Variants in THEMIS observed in about 807,000 individuals in gnomAD.
THEMIS encodes the protein protein THEMIS.
In THEMIS, 37 loss-of-function variants were observed where a neutral mutation model predicts 52.6. That is an observed-to-expected ratio of 0.70 (90% CI 0.54 to 0.93). The LOEUF (loss-of-function observed/expected upper bound fraction) is 0.93, where lower values mean the gene tolerates loss of function less well. Ranked by LOEUF, THEMIS falls within the 40% of genes least tolerant of loss-of-function variation. The pLI is 0.00. For synonymous variants in THEMIS, 292 were observed against 272.7 expected (o/e 1.07, Z -0.70); for missense variants, 808 against 763.1 (o/e 1.06, Z -0.69).
chr6:127,834,629 G>T (rs1778814027), intron 2 of THEMIS, among the ~76,000 whole-genome samples: 1 of 151,960 alleles, frequency 6.6e-6, no homozygotes, highest in Non-Finnish European at 1.5e-5. Flanking sequence ...GAAACTGTCT[G>T]CAGTAGCTAT....
At chr6:127,778,177 A>G (rs74853103) in intron 4 of THEMIS, among the ~76,000 whole-genome samples, 2,619 of 152,254 alleles carry the variant, frequency 0.017, 81 homozygotes, top group African/African-American at 0.06. Flanking sequence ...TTTCAAAACC[A>G]ATGCTCAGAA....
At chr6:127,705,585 C>T (rs775252209), downstream of THEMIS, among the ~76,000 whole-genome samples, 13 of 152,314 alleles carry the variant, frequency 8.5e-5, no homozygotes, top group African/African-American at 2.4e-4. Context: ...TATGCTTTCT[C>T]ATAACTGAAA....
chr6:127,707,941 A>G (rs1161460231), downstream of THEMIS: 2 of 152,044 alleles, frequency 1.3e-5, no homozygotes, highest in Non-Finnish European at 2.9e-5. Context: ...GCCAATATTA[A>G]TAATTGGTAG....
intron 4 of THEMIS, among the ~76,000 whole-genome samples, chr6:127,795,329 T>C (rs1271746222): frequency 3.9e-5 from 6 of 152,162 alleles, no homozygotes; most frequent in African/African-American, 1.4e-4. Flanking sequence ...ATTTGTATTA[T>C]TATTATTATT....
At chr6:127,697,100 A>C in the THEMIS span, among the ~76,000 whole-genome samples, 2 of 152,130 alleles carry the variant, frequency 1.3e-5, no homozygotes, top group East Asian at 3.9e-4. Context: ...CAATTGCGTG[A>C]GGGCTAAAAG....
intron 2 of THEMIS, among the ~76,000 whole-genome samples, chr6:127,834,686 T>C (rs964040156): frequency 6.6e-6 from 1 of 152,274 alleles, no homozygotes; most frequent in South Asian, 2.1e-4. Context: ...AAAGAATATA[T>C]CATAAAATCT....
chr6:127,902,118 A>G (rs1162024519), upstream of THEMIS, among the ~76,000 whole-genome samples: 1 of 151,890 alleles, frequency 6.6e-6, no homozygotes, highest in Non-Finnish European at 1.5e-5. Context: ...TGAGCCCAAG[A>G]ATTCAAAACC....
intron 4 of THEMIS, among the ~76,000 whole-genome samples, chr6:127,743,829 CT>C (rs1285430973): frequency 1.3e-5 from 2 of 152,034 alleles, no homozygotes; most frequent in Non-Finnish European, 2.9e-5. Flanking sequence ...AAAAGCAAGT[CT>C]GTTTTTCTAG....
intron 5 of THEMIS, among the ~76,000 whole-genome samples, chr6:127,712,343 C>T (rs1002035430): frequency 6.6e-6 from 1 of 151,900 alleles, no homozygotes; most frequent in African/African-American, 2.4e-5. Flanking sequence ...CTCTAAATTA[C>T]ATCTATGCTC....
At chr6:127,867,722 A>G (rs1290637932) in intron 1 of THEMIS, among the ~76,000 whole-genome samples, 9 of 152,138 alleles carry the variant, frequency 5.9e-5, no homozygotes, top group Non-Finnish European at 1.3e-4. Context: ...ACAGTGCCTA[A>G]CCTAAAAGGT....
chr6:127,734,617 T>A (rs1455490905), intron 4 of THEMIS, among the ~76,000 whole-genome samples: 3 of 151,938 alleles, frequency 2.0e-5, no homozygotes, highest in African/African-American at 7.3e-5. Context: ...ACGCCTGTAA[T>A]CCTAGCACTT....
At chr6:127,883,228 A>G (rs974140283) in intron 1 of THEMIS, among the ~76,000 whole-genome samples, 1 of 152,036 alleles carries the variant, frequency 6.6e-6, no homozygotes, top group Admixed American at 6.5e-5. Context: ...AGCATTTCCT[A>G]TAAGATTTCT....
rs57655447 is a variant in THEMIS, at chr6:127,824,925, A to AAAACAAACAAAC, written c.709+4539_709+4550dup. Among the ~76,000 whole-genome samples, 854 of 151,330 alleles carry AAAACAAACAAAC rather than the reference A, an allele frequency of 5.6e-3. 4 individuals carry two copies. The highest frequency in any genetic ancestry group is 8.2e-3 in the Non-Finnish European group (558 of 67,734). Reference sequence around the variant, plus strand: ...GGGCGACAGAGGGAGACTCCGTCTCAAAACAAACAAACAAACAAACAAACA... The same window carrying AAAACAAACAAAC: ...GGGCGACAGAGGGAGACTCCGTCTCAAAACAAACAAACAAACAAACAAACAAACAAACAAACA... On this transcript the variant is annotated intron_variant, in intron 3 of 5. Coordinates refer to ENST00000368248, the MANE Select transcript of THEMIS (RefSeq NM_001010923.3).
chr6:127,818,225 G>A (rs1778202975), intron 3 of THEMIS, among the ~76,000 whole-genome samples: 2 of 152,146 alleles, frequency 1.3e-5, no homozygotes, highest in Admixed American at 6.5e-5. Flanking sequence ...CAAAAAAGCT[G>A]AGAAACACTT....
chr6:127,903,940 G>T (rs1040937994), upstream of THEMIS, among the ~76,000 whole-genome samples: 12 of 151,928 alleles, frequency 7.9e-5, no homozygotes, highest in African/African-American at 2.9e-4. Context: ...GAGCTGTCAG[G>T]GTGCAGAACA....
chr6:127,854,590 G>A (rs888286064), intron 2 of THEMIS, among the ~76,000 whole-genome samples: 4 of 151,756 alleles, frequency 2.6e-5, no homozygotes, highest in East Asian at 1.9e-4. Flanking sequence ...AGACCAGGCC[G>A]ACTTTTCAGT....
chr6:127,844,317 G>A (rs1035444459), intron 2 of THEMIS, among the ~76,000 whole-genome samples: 1 of 151,846 alleles, frequency 6.6e-6, no homozygotes, highest in Admixed American at 6.6e-5. Flanking sequence ...ACAATGTCTG[G>A]TACATCTTTG....
chr6:127,723,748 C>A (rs1213416592), intron 4 of THEMIS, among the ~76,000 whole-genome samples: 1 of 152,012 alleles, frequency 6.6e-6, no homozygotes, highest in Non-Finnish European at 1.5e-5. Flanking sequence ...TGGGTTCCTG[C>A]AAGTGTCACT....
chr6:127,856,868 T>A (rs1276199760), intron 1 of THEMIS, among the ~76,000 whole-genome samples: 1 of 152,032 alleles, frequency 6.6e-6, no homozygotes, highest in Admixed American at 6.6e-5. Flanking sequence ...GAATGGTTAT[T>A]TGCTATGATC....
Sources: allele counts gnomAD v4.1 joint callset (sites outside exome capture counted in the v4.1 genomes callset), GRCh38; gene constraint gnomAD v4.1.1; transcripts MANE v1.5; gene names NCBI Gene and HGNC (gene_info 2026-07-23, HGNC 2026-07-21).